Variants in IMPG1 observed in about 807,000 individuals in gnomAD.
IMPG1 encodes interphotoreceptor matrix proteoglycan of 150 kDa.
A neutral mutation model predicts 92.0 loss-of-function variants in IMPG1; 85 were observed. The observed-to-expected ratio is 0.92, with a 90% CI of 0.78 to 1.11. The LOEUF (loss-of-function observed/expected upper bound fraction) is 1.11, where lower values mean the gene tolerates loss of function less well. IMPG1 is among the 50% of genes least tolerant of loss of function. IMPG1 has a pLI of 0.00. For missense variants in IMPG1, 1,022 were observed against 956.0 expected (o/e 1.07, Z -0.91); for synonymous variants, 367 against 334.1 (o/e 1.10, Z -1.08).
intron 7 of IMPG1, among the ~76,000 whole-genome samples, chr6:76,013,194 G>A (rs1359666286): frequency 6.6e-6 from 1 of 152,030 alleles, no homozygotes; most frequent in Non-Finnish European, 1.5e-5. Flanking sequence ...TGTACTAACA[G>A]TTCATTGCTG....
intron 6 of IMPG1, among the ~76,000 whole-genome samples, chr6:76,019,759 A>G (rs571474338): frequency 3.9e-5 from 6 of 152,232 alleles, no homozygotes; most frequent in Non-Finnish European, 8.8e-5. Context: ...AAAGTCTGAC[A>G]TGCAGTATTC....
intron 14 of IMPG1, among the ~76,000 whole-genome samples, chr6:75,937,541 T>C (rs1426538270): frequency 6.6e-6 from 1 of 152,206 alleles, no homozygotes; most frequent in Non-Finnish European, 1.5e-5. Flanking sequence ...ACAAATTACT[T>C]ATTCTTCTCT....
intron 2 of IMPG1, among the ~76,000 whole-genome samples, chr6:76,036,305 A>G (rs980710784): frequency 1.1e-4 from 17 of 152,226 alleles, no homozygotes; most frequent in Admixed American, 7.2e-4. Context: ...ATCCAGAGGC[A>G]GAAGCTAAGG....
intron 12 of IMPG1, among the ~76,000 whole-genome samples, chr6:75,969,778 T>A (rs747637959): frequency 1.3e-5 from 2 of 152,032 alleles, no homozygotes; most frequent in Non-Finnish European, 2.9e-5. Context: ...CAAAAGCTTC[T>A]TGGTTACTTG....
intron 12 of IMPG1, among the ~76,000 whole-genome samples, chr6:75,963,686 T>A (rs1782248164): frequency 6.6e-6 from 1 of 152,134 alleles, no homozygotes; most frequent in African/African-American, 2.4e-5. Context: ...GTAAGAACAG[T>A]GAACTTTGTG....
At chr6:75,954,106 A>G (rs1782079252) in intron 12 of IMPG1, among the ~76,000 whole-genome samples, 1 of 152,232 alleles carries the variant, frequency 6.6e-6, no homozygotes, top group Non-Finnish European at 1.5e-5. Context: ...AGAATAATTT[A>G]TAATCCTTTG....
chr6:75,970,581 G>A (rs1782395413), intron 12 of IMPG1, among the ~76,000 whole-genome samples: 1 of 152,124 alleles, frequency 6.6e-6, no homozygotes, highest in Non-Finnish European at 1.5e-5. Context: ...CCTTATATGA[G>A]GAAAGTGTGA....
At chr6:75,937,694 TATAC>T (rs1228150975) in intron 14 of IMPG1, among the ~76,000 whole-genome samples, 3 of 152,204 alleles carry the variant, frequency 2.0e-5, no homozygotes, top group South Asian at 2.1e-4. Flanking sequence ...ATGAGTGACA[TATAC>T]CACTTTTTCA....
chr6:76,060,169 G>A (rs1784181082), intron 1 of IMPG1, among the ~76,000 whole-genome samples: 1 of 152,194 alleles, frequency 6.6e-6, no homozygotes. Flanking sequence ...AGAAAATGAA[G>A]TCGGAATGAA....
intron 1 of IMPG1, among the ~76,000 whole-genome samples, chr6:76,058,460 A>G (rs982993461): frequency 2.0e-5 from 3 of 152,202 alleles, no homozygotes; most frequent in African/African-American, 7.2e-5. Context: ...TAGCTCTTCA[A>G]GGCAGACTTG....
rs763812947 is a variant in IMPG1, at chr6:75,950,595, C to G, written c.1791G>C (p.Glu597Asp). 1.2e-6 allele frequency: 2 copies of G among 1,612,876 alleles called. No individual in the cohort carries two copies. The highest frequency in any genetic ancestry group is 1.7e-6 in the Non-Finnish European group (2 of 1,179,376). Residue 597 changes from glutamate to aspartate, a missense_variant, in exon 13 of 17, where the codon GAG becomes GAC. Glu to Asp is a conservative substitution (Grantham distance 45). Coordinates refer to ENST00000369950, the MANE Select transcript of IMPG1 (RefSeq NM_001563.4). ...SNDLFNKSSL[E>D]YRALEQQFTQ... ...TGAATTGTTGCTCCAGAGCTCGGTA[C>G]TCCAGAGAGCTCTTGTTGAACAGGT...
At chr6:76,025,463 T>C (rs1028407277) in intron 4 of IMPG1, among the ~76,000 whole-genome samples, 1 of 152,208 alleles carries the variant, frequency 6.6e-6, no homozygotes, top group African/African-American at 2.4e-5. Context: ...CTCTCCAAAA[T>C]GGTTATGTTT....
At chr6:75,942,539 A>AAAAT (rs1474146074) in intron 14 of IMPG1, among the ~76,000 whole-genome samples, 5 of 152,200 alleles carry the variant, frequency 3.3e-5, no homozygotes, top group Non-Finnish European at 7.3e-5. Context: ...TTGGAATTTG[A>AAAAT]GTCCTTCTTT....
chr6:75,974,408 C>CCTTGCTTG (rs58671040), intron 12 of IMPG1, among the ~76,000 whole-genome samples: 3 of 123,034 alleles, frequency 2.4e-5, no homozygotes, highest in African/African-American at 6.0e-5. Flanking sequence ...TTCTTTCCTT[C>CCTTGCTTG]CTTCCTTCCT....
intron 5 of IMPG1, among the ~76,000 whole-genome samples, chr6:76,023,475 C>T (rs950424726): frequency 6.6e-6 from 1 of 152,294 alleles, no homozygotes; most frequent in Middle Eastern, 3.4e-3. Flanking sequence ...CATACTTACA[C>T]CTAAAAACAA....
At chr6:76,034,487 G>T in intron 3 of IMPG1, 134 bp downstream of exon 3, 2 of 1,210,708 alleles carry the variant, frequency 1.7e-6, no homozygotes, top group Non-Finnish European at 2.4e-6. Context: ...AATTTCTATT[G>T]GCCTAATCAG....
Position 75,950,617 on chromosome 6 carries a change from A to G in IMPG1, c.1769T>C (p.Leu590Pro). Reference sequence around the variant, plus strand: ...GTACTCCAGAGAGCTCTTGTTGAACAGGTCGTTGGAGAAGGCCATGTTAGC... The same window carrying G: ...GTACTCCAGAGAGCTCTTGTTGAACGGGTCGTTGGAGAAGGCCATGTTAGC... Reference protein sequence around the residue: ...RVANMAFSNDLFNKSSLEYRA... With the variant: ...RVANMAFSNDPFNKSSLEYRA... Residue 590 changes from leucine (L) to proline (P), a missense_variant, in exon 13 of 17, where the codon CTG (leucine) becomes CCG (proline). By Grantham distance (98) the Leu-to-Pro change is moderately conservative. This residue lies in a region of IMPG1 where 332 missense variants were observed against 346.2 expected (regional missense o/e 0.96). Transcript: ENST00000369950. 1 of 1,613,790 alleles carries G rather than the reference A, an allele frequency of 6.2e-7. No individual in the cohort carries two copies. The highest frequency in any genetic ancestry group is 8.5e-7 in the Non-Finnish European group (1 of 1,179,824).
chr6:76,014,057 G>A (rs986812198), intron 7 of IMPG1, among the ~76,000 whole-genome samples: 1 of 152,166 alleles, frequency 6.6e-6, no homozygotes, highest in Non-Finnish European at 1.5e-5. Flanking sequence ...TTAAATATTG[G>A]TTCTGCTACT....
intron 12 of IMPG1, among the ~76,000 whole-genome samples, chr6:75,961,526 C>CA (rs145826726): frequency 2.4e-3 from 358 of 151,680 alleles, no homozygotes; most frequent in African/African-American, 8.0e-3. Context: ...TGGTGGAAGA[C>CA]AAAAAACAAA....
Sources: allele counts gnomAD v4.1 joint callset (sites outside exome capture counted in the v4.1 genomes callset), GRCh38; gene constraint gnomAD v4.1.1; regional missense constraint gnomAD v4.1.1; transcripts MANE v1.5; gene names NCBI Gene and HGNC (gene_info 2026-07-23, HGNC 2026-07-21).